Variants in CNOT10 observed in about 807,000 individuals in gnomAD.
CNOT10 encodes CCR4-NOT transcription complex, subunit 10.
CNOT10 carries 30 observed loss-of-function variants against 94.6 expected under a neutral mutation model. The observed-to-expected ratio is 0.32, with a 90% confidence interval of 0.24 to 0.43. The LOEUF (loss-of-function observed/expected upper bound fraction) is 0.43. Ranked by LOEUF, CNOT10 falls within the 20% of genes least tolerant of loss-of-function variation. The pLI is 1.00. For synonymous variants in CNOT10, 289 were observed against 301.6 expected (o/e 0.96, Z 0.43); for missense variants, 759 against 877.2 (o/e 0.87, Z 1.70).
intron 12 of CNOT10, among the ~76,000 whole-genome samples, chr3:32,736,166 A>C (rs113091291): frequency 6.6e-6 from 1 of 151,810 alleles, no homozygotes; most frequent in Non-Finnish European, 1.5e-5. Context: ...ACTCACTGCA[A>C]CCTCCACCTC....
At chr3:32,710,895 ATTGT>A (rs1697855809) in intron 4 of CNOT10, among the ~76,000 whole-genome samples, 1 of 151,918 alleles carries the variant, frequency 6.6e-6, no homozygotes, top group African/African-American at 2.4e-5. Context: ...TAATTTTTGT[ATTGT>A]TTTGCAGAGA....
chr3:32,685,941 T>G (rs1039238176), intron 1 of CNOT10, among the ~76,000 whole-genome samples: 1 of 151,238 alleles, frequency 6.6e-6, no homozygotes, highest in Non-Finnish European at 1.5e-5. Flanking sequence ...AAAAACCACT[T>G]TTTTTTTTCT....
chr3:32,751,853 G>A (rs1699979265), intron 13 of CNOT10, among the ~76,000 whole-genome samples: 1 of 152,052 alleles, frequency 6.6e-6, no homozygotes, highest in African/African-American at 2.4e-5. Flanking sequence ...TTCATCTAAC[G>A]AACTCTACCG....
chr3:32,692,665 C>G (rs1308523344), intron 1 of CNOT10, among the ~76,000 whole-genome samples: 1 of 152,094 alleles, frequency 6.6e-6, no homozygotes, highest in Non-Finnish European at 1.5e-5. Flanking sequence ...TTTCCTCAAT[C>G]AGTTGTATTA....
At position 32,762,856 on chromosome 3, in the gene CNOT10, G is replaced by A. The variant is rs1700509029; in HGVS notation, c.1833G>A (p.Gln611=). 1.9e-6 allele frequency: 3 copies of A among 1,542,424 alleles called. No homozygotes were observed. The highest frequency in any genetic ancestry group is 2.6e-6 in the Non-Finnish European group (3 of 1,156,332). The change falls in exon 15 of 19, where the codon CAG becomes CAA. Residue 611 remains glutamine (Q), a synonymous_variant. Coordinates refer to ENST00000328834, the MANE Select transcript of CNOT10 (RefSeq NM_015442.3). The part of the protein sequence containing the change: ...DVSLGISSNE[Q]DQGSDKGENE... ...CCTTAGGGATCTCTTCAAATGAGCA[G>A]GACCAAGGTTAATGAGGACATCTTT...
In CNOT10 at chr3:32,715,539, G is replaced by T. The variant is rs143423674; in HGVS notation, c.574-686G>T. ...GTTCAAATTTGATATGATTGGCAGT[G>T]TTCATAACAGAGAAAGTTTTAAGAA... is the stretch of plus-strand genomic sequence containing the variant. On this transcript the variant is annotated intron_variant, in intron 5 of 18. Coordinates refer to ENST00000328834, the MANE Select transcript of CNOT10 (RefSeq NM_015442.3). 8.7e-3 allele frequency among the ~76,000 whole-genome samples: 1,329 copies of T among 152,258 alleles called. 12 individuals carry two copies. The highest frequency in any genetic ancestry group is 0.013 in the Non-Finnish European group (892 of 68,020).
rs112564105 is a variant in CNOT10 at position 32,732,838 on chromosome 3, A to G, written c.1216-585A>G. The stretch of plus-strand genomic sequence containing the variant: ...TCTTAATCAAATATCCTAAAGTACT[A>G]TGTATGTGTAAGTAGCTTTTATTAT... On this transcript the variant is annotated intron_variant, in intron 10 of 18. Coordinates refer to ENST00000328834, the MANE Select transcript of CNOT10 (RefSeq NM_015442.3). Among the ~76,000 whole-genome samples, 4 of 152,282 alleles carry G rather than the reference A, an allele frequency of 2.6e-5. No homozygotes were observed. In the East Asian group the frequency reaches 7.7e-4, roughly 29 times the overall value.
intron 4 of CNOT10, among the ~76,000 whole-genome samples, chr3:32,709,413 T>A (rs1440796572): frequency 6.6e-6 from 1 of 152,220 alleles, no homozygotes; most frequent in Non-Finnish European, 1.5e-5. Context: ...GTGAGTTACA[T>A]TTTTGTCTTT....
intron 14 of CNOT10, among the ~76,000 whole-genome samples, chr3:32,760,866 C>T (rs1225178931): frequency 1.3e-5 from 2 of 150,102 alleles, no homozygotes; most frequent in African/African-American, 2.4e-5. Context: ...CTGTGGCTCA[C>T]ACCTGTAATC....
At chr3:32,728,196 A>C (rs1698771785) in intron 10 of CNOT10, among the ~76,000 whole-genome samples, 1 of 151,736 alleles carries the variant, frequency 6.6e-6, no homozygotes, top group African/African-American at 2.4e-5. Flanking sequence ...AGGTTTCACC[A>C]TGTTGCCCAG....
rs149210395 is a variant in CNOT10, at chr3:32,764,712, G to T, written c.1907G>T (p.Ser636Ile). The T allele has an allele frequency of 3.7e-6, 6 of 1,614,022 alleles. No homozygotes were observed. In the African/African-American group the frequency reaches 6.7e-5, roughly 18 times the overall value. The stretch of plus-strand genomic sequence containing the variant: ...AAGCGGGCCCCTCAGTGCTACCCCA[G>T]TTCCGTCAACTCTGCCAGGACTGTG... ...SGKRAPQCYP[S>I]SVNSARTVML... The change falls in exon 17 of 19, where the codon AGT becomes ATT. Residue 636 changes from serine (S) to isoleucine (I), a missense_variant. Ser to Ile is a moderately radical substitution (Grantham distance 142, BLOSUM62 -2). This residue lies in a region of CNOT10 where 682 missense variants were observed against 799.4 expected (regional missense o/e 0.85). Transcript: ENST00000328834.
At position 32,704,796 on chromosome 3, in the gene CNOT10, GTTTT is replaced by G; in HGVS notation, c.118-6_118-3del. 1 of 1,189,760 alleles carries G rather than the reference GTTTT, an allele frequency of 8.4e-7. No individual in the cohort carries two copies. The highest frequency in any genetic ancestry group is 1.1e-6 in the Non-Finnish European group (1 of 872,950). The allele number at this position is 1,189,760 out of a possible 1,614,324, so 73.7% of individuals were successfully genotyped here. On this transcript the variant is annotated splice_polypyrimidine_tract_variant and intron_variant, in intron 2 of 18. Transcript: ENST00000328834. Reference sequence around the variant, plus strand: ...ATGTAATTTTGTGTGTGTGTGTGTGGTTTTTTTTTTTTAGTCTGGAAATTATGAT... The same window carrying G: ...ATGTAATTTTGTGTGTGTGTGTGTGGTTTTTTTTAGTCTGGAAATTATGAT...
intron 8 of CNOT10, among the ~76,000 whole-genome samples, chr3:32,725,209 G>C (rs1181581270): frequency 6.6e-6 from 1 of 152,054 alleles, no homozygotes; most frequent in Non-Finnish European, 1.5e-5. Flanking sequence ...CACAAAATTA[G>C]AGTAACAAAA....
chr3:32,743,739 G>A (rs1483467411), intron 13 of CNOT10, among the ~76,000 whole-genome samples: 2 of 152,172 alleles, frequency 1.3e-5, no homozygotes, highest in Non-Finnish European at 1.5e-5. Flanking sequence ...AAAGAGAAGT[G>A]TACATACAGG....
intron 7 of CNOT10, 113 bp from the exon 8 acceptor site, chr3:32,720,001 T>G (rs1698299355): frequency 2.0e-6 from 1 of 500,834 alleles, no homozygotes; most frequent in African/African-American, 1.9e-5. Flanking sequence ...TTTTTGTGAC[T>G]GACTTAATTG....
At chr3:32,732,165 C>T (rs1335297372) in intron 10 of CNOT10, among the ~76,000 whole-genome samples, 1 of 151,148 alleles carries the variant, frequency 6.6e-6, no homozygotes, top group East Asian at 1.9e-4. Flanking sequence ...CCGAGGCGGG[C>T]GGATCACTTG....
chr3:32,691,953 G>A (rs1696865573), intron 1 of CNOT10, among the ~76,000 whole-genome samples: 1 of 151,586 alleles, frequency 6.6e-6, no homozygotes, highest in Non-Finnish European at 1.5e-5. Context: ...GGGAGGGTGA[G>A]GTGGGAGGAT....
chr3:32,725,440 T>G lies in CNOT10; in HGVS notation c.863-10T>G. 1.2e-6 allele frequency: 2 copies of G among 1,610,968 alleles called. No homozygotes were observed. The highest frequency in any genetic ancestry group is 8.5e-7 in the Non-Finnish European group (1 of 1,177,970). ...TTTTCTGTGGACAAATTTATTTGCA[T>G]TTTTTTCAGGTGAATGCTTGAGATG... On this transcript the variant is annotated splice_polypyrimidine_tract_variant and intron_variant, in intron 8 of 18. Coordinates refer to ENST00000328834, the MANE Select transcript of CNOT10 (RefSeq NM_015442.3).
rs1173513009 is a variant in CNOT10 at position 32,757,170 on chromosome 3, ATTTTTTTTTTTTT to A, written c.1596-2274_1596-2262del. Among the ~76,000 whole-genome samples, 5 of 78,294 alleles carry A rather than the reference ATTTTTTTTTTTTT, an allele frequency of 6.4e-5. No individual in the cohort carries two copies. The Admixed American group carries it at 7.2e-4, about 11-fold the overall frequency. The allele number at this position is 78,294 out of a possible 152,430, so 51.4% of individuals were successfully genotyped here. ...TGTCATTCACATAGGCCCTGAACTA[ATTTTTTTTTTTTT>A]TTTTTTTTTTTTTGTGACGGAGTTT... On this transcript the variant is annotated intron_variant, in intron 13 of 18. Coordinates refer to ENST00000328834, the MANE Select transcript of CNOT10 (RefSeq NM_015442.3).
Sources: gnomAD v4.1 joint callset for allele counts (sites outside exome capture counted in the v4.1 genomes callset) on GRCh38, gnomAD v4.1.1 for gene constraint, gnomAD v4.1.1 regional missense constraint, MANE v1.5 for transcripts, NCBI Gene and HGNC (gene_info 2026-07-23, HGNC 2026-07-21) for gene names.